TMEM38A: variants seen among roughly 807,000 people sequenced by gnomAD.
TMEM38A encodes transmembrane protein 38A, also known as trimeric intracellular cation channel type A.
In TMEM38A, 17 loss-of-function variants were observed where a neutral mutation model predicts 28.6. The observed-to-expected ratio is 0.60, with a 90% CI of 0.41 to 0.89. TMEM38A has a LOEUF of 0.89. Ranked by LOEUF, TMEM38A falls within the 40% of genes least tolerant of loss-of-function variation. The pLI, the probability that TMEM38A is intolerant of heterozygous loss-of-function variation, is 0.00. For missense variants in TMEM38A, 328 were observed against 393.1 expected (o/e 0.83, Z 1.40); for synonymous variants, 169 against 166.1 (o/e 1.02, Z -0.14).
chr19:16,661,224 C>G lies in TMEM38A; in HGVS notation c.7C>G (p.Leu3Val), dbSNP rs1159774857. 6.5e-7 allele frequency: 1 copy of G among 1,548,906 alleles called. No homozygotes were observed. The highest frequency in any genetic ancestry group is 1.9e-5 in the Admixed American group (1 of 53,596). Residue 3 changes from leucine to valine, a missense_variant, in exon 1 of 6, where the codon CTG (leucine) becomes GTG (valine). Leu to Val is a conservative substitution (Grantham distance 32). Coordinates refer to ENST00000187762, the MANE Select transcript of TMEM38A (RefSeq NM_024074.4). This position sits in a 1 kb window ranked among gnomAD's most constrained non-coding sequence, Gnocchi z 6.5. ...AGGCGGGCAGGCGGGCGCCATGGAG[C>G]TGCTCTCGGCGCTGAGCCTGGGCGA... is the stretch of plus-strand genomic sequence containing the variant. MELLSALSLGELA... is the reference protein window; with the variant it reads MEVLSALSLGELA...
In TMEM38A at chr19:16,674,141, T is replaced by C. The variant is rs181494115; in HGVS notation, c.125-5843T>C. 3.6e-3 allele frequency among the ~76,000 whole-genome samples: 552 copies of C among 151,514 alleles called. 6 individuals are homozygous for C. The highest frequency in any genetic ancestry group is 0.013 in the African/African-American group (527 of 41,240). On this transcript the variant is annotated intron_variant, in intron 1 of 5. Coordinates refer to ENST00000187762, the MANE Select transcript of TMEM38A (RefSeq NM_024074.4). ...GGTTCATGCCTGTAATCCCAGCACT[T>C]TGGGAGGCCAAGGTGGGTGGATCAC...
At chr19:16,667,758 C>T (rs544281179) in intron 1 of TMEM38A, among the ~76,000 whole-genome samples, 1 of 151,768 alleles carries the variant, frequency 6.6e-6, no homozygotes, top group South Asian at 2.1e-4. Context: ...ACTTGGGAGG[C>T]TGAGGCACAA....
Position 16,661,431 on chromosome 19 carries a change from T to G in TMEM38A, c.124+90T>G. ...GTCGCAGAGAGGGGAAGCCCGTGCGTGGTGGAGGGAGCGAGGGACAGGTTC... is the reference window on the plus strand; with the variant it reads ...GTCGCAGAGAGGGGAAGCCCGTGCGGGGTGGAGGGAGCGAGGGACAGGTTC... On this transcript the variant is annotated intron_variant, in intron 1 of 5. Transcript: ENST00000187762. The surrounding 1 kb of genome is among the most constrained non-coding windows in gnomAD (Gnocchi z 6.5). The G allele has an allele frequency of 5.1e-6, 6 of 1,166,838 alleles. No homozygotes were observed. Among genetic ancestry groups the G allele is most frequent in the Non-Finnish European group, 7.0e-6 (6 of 859,712 alleles). 72.3% of individuals were successfully genotyped at this position (1,166,838 alleles called of 1,614,324 possible).
intron 1 of TMEM38A, among the ~76,000 whole-genome samples, chr19:16,669,883 A>G (rs1204039057): frequency 6.6e-6 from 1 of 152,222 alleles, no homozygotes; most frequent in African/African-American, 2.4e-5. Flanking sequence ...ATTGCAGACC[A>G]GGACTTAGGG....
rs904888786 is a variant in TMEM38A, at chr19:16,689,560, G to C, written c.*1189G>C. 6.6e-6 allele frequency: 1 copy of C among 152,204 alleles called. No individual in the cohort carries two copies. Among genetic ancestry groups the C allele is most frequent in the Non-Finnish European group, 1.5e-5 (1 of 68,062 alleles). 9.4% of individuals were successfully genotyped at this position (152,204 alleles called of 1,614,324 possible). A position where few individuals can be genotyped will look rare whatever the true frequency, so the allele number is the denominator to read the frequency against. On this transcript the variant is annotated 3_prime_UTR_variant, in exon 6 of 6. Coordinates refer to ENST00000187762, the MANE Select transcript of TMEM38A (RefSeq NM_024074.4). ...TGGAAACAGCTGGTTGGGGTTCCAC[G>C]ATCCAGCTCTATCAAGGGGCTCTGA... is the stretch of plus-strand genomic sequence containing the variant.
intron 1 of TMEM38A, among the ~76,000 whole-genome samples, chr19:16,679,586 C>T (rs2086770738): frequency 6.6e-6 from 1 of 152,098 alleles, no homozygotes; most frequent in African/African-American, 2.4e-5. Flanking sequence ...AGCCACCATG[C>T]CCGGCCCAGA....
chr19:16,672,879 A>G (rs1182634433), intron 1 of TMEM38A, among the ~76,000 whole-genome samples: 2 of 152,166 alleles, frequency 1.3e-5, no homozygotes, highest in Admixed American at 1.3e-4. Flanking sequence ...AAATTTGGCA[A>G]TATCTGGAGA....
chr19:16,663,390 T>C (rs560278193), intron 1 of TMEM38A, among the ~76,000 whole-genome samples: 1 of 151,966 alleles, frequency 6.6e-6, no homozygotes, highest in African/African-American at 2.4e-5. Context: ...TGCAGGAAGG[T>C]TCAAGATATT....
chr19:16,672,445 C>CCTTTTTTTTT (rs1491240988), intron 1 of TMEM38A, among the ~76,000 whole-genome samples: 1 of 100,432 alleles, frequency 1.0e-5, no homozygotes, highest in Non-Finnish European at 1.8e-5. Flanking sequence ...AAAAAAACCT[C>CCTTTTTTTTT]ATTTTTTTTT....
intron 1 of TMEM38A, among the ~76,000 whole-genome samples, chr19:16,665,541 C>T (rs959115470): frequency 2.0e-5 from 3 of 152,064 alleles, no homozygotes; most frequent in African/African-American, 7.2e-5. Flanking sequence ...GGAGTCAGTT[C>T]TACCACTAGC....
chr19:16,683,115 A>C (rs1473978973), intron 4 of TMEM38A, among the ~76,000 whole-genome samples: 1 of 152,108 alleles, frequency 6.6e-6, no homozygotes, highest in Non-Finnish European at 1.5e-5. Context: ...CTGGGATTAC[A>C]GGCATGTGCC....
intron 5 of TMEM38A, among the ~76,000 whole-genome samples, chr19:16,687,701 A>G (rs1339786550): frequency 6.6e-6 from 1 of 152,024 alleles, no homozygotes; most frequent in African/African-American, 2.4e-5. Flanking sequence ...GCCTCTTTAT[A>G]AGGGCACTAA....
At chr19:16,679,513 G>C (rs536318641) in intron 1 of TMEM38A, among the ~76,000 whole-genome samples, 1 of 151,238 alleles carries the variant, frequency 6.6e-6, no homozygotes, top group East Asian at 1.9e-4. Flanking sequence ...GGCTGGTCTT[G>C]AACTCCTGAC....
intron 1 of TMEM38A, among the ~76,000 whole-genome samples, chr19:16,677,022 A>G (rs2086754759): frequency 6.6e-6 from 1 of 150,916 alleles, no homozygotes; most frequent in African/African-American, 2.4e-5. Flanking sequence ...CGCCCTCCCA[A>G]AGTGCTGGGA....
intron 4 of TMEM38A, among the ~76,000 whole-genome samples, chr19:16,682,970 G>GTTTTTTAT (rs1555710455): frequency 1.3e-5 from 2 of 152,028 alleles, no homozygotes; most frequent in Non-Finnish European, 2.9e-5. Context: ...TTAGCTTAAT[G>GTTTTTTAT]TTTTTTATTT....
At chr19:16,682,157 A>G (rs1038711676) in intron 3 of TMEM38A, among the ~76,000 whole-genome samples, 1 of 152,068 alleles carries the variant, frequency 6.6e-6, no homozygotes, top group African/African-American at 2.4e-5. Flanking sequence ...AGACAACCCC[A>G]GGTTGAAGAC....
In TMEM38A at chr19:16,686,340, C is replaced by T. The variant is rs1373314240; in HGVS notation, c.607C>T (p.Arg203Cys). 9 of 1,613,540 alleles carry T rather than the reference C, an allele frequency of 5.6e-6. No individual in the cohort carries two copies. The highest frequency in any genetic ancestry group is 4.5e-5 in the East Asian group (2 of 44,866). The stretch of plus-strand genomic sequence containing the variant: ...CATCCTCTTCACCCTCCAGCAGACC[C>T]GCTGGCTCCCAGTGTCCAAAGCCAG... ...GAILFTLQQT[R>C]WLPVSKASLI... Residue 203 changes from arginine (R) to cysteine (C), a missense_variant, in exon 5 of 6, where the codon CGC (arginine) becomes TGC (cysteine). By Grantham distance (180) the Arg-to-Cys change is radical. Transcript: ENST00000187762.
At chr19:16,665,044 G>A (rs770060339) in intron 1 of TMEM38A, among the ~76,000 whole-genome samples, 8 of 151,672 alleles carry the variant, frequency 5.3e-5, no homozygotes, top group Non-Finnish European at 7.4e-5. Flanking sequence ...CCTGTAATCC[G>A]AGCACTTTGG....
intron 1 of TMEM38A, among the ~76,000 whole-genome samples, chr19:16,665,043 C>T (rs1018781002): frequency 2.0e-5 from 3 of 151,626 alleles, no homozygotes; most frequent in Admixed American, 1.3e-4. Context: ...GCCTGTAATC[C>T]GAGCACTTTG....
Sources: allele counts gnomAD v4.1 joint callset (sites outside exome capture counted in the v4.1 genomes callset), GRCh38; gene constraint gnomAD v4.1.1; non-coding constraint Gnocchi (gnomAD v3.1); transcripts MANE v1.5; gene names NCBI Gene and HGNC (gene_info 2026-07-23, HGNC 2026-07-21).